The following KIAA1958 variants were observed in gnomAD, a reference collection of about 807,000 sequenced individuals.
KIAA1958 encodes the protein KIAA1958, also known as uncharacterized protein KIAA1958.
Under a neutral mutation model 47.2 loss-of-function variants are expected in KIAA1958, and 14 were observed. That is an observed-to-expected ratio of 0.30 (90% CI 0.20 to 0.46). The LOEUF (loss-of-function observed/expected upper bound fraction) is 0.46, where lower values mean the gene tolerates loss of function less well. Ranked by LOEUF, KIAA1958 falls within the 20% of genes least tolerant of loss-of-function variation. The pLI is 1.00. For synonymous variants in KIAA1958, 354 were observed against 353.3 expected, an observed-to-expected ratio of 1.00 and a Z score of -0.02; for missense variants, 803 against 909.2, an observed-to-expected ratio of 0.88 and a Z score of 1.50.
chr9:112,601,375 A>G (rs1208344201), intron 2 of KIAA1958, among the ~76,000 whole-genome samples: 1 of 152,192 alleles, frequency 6.6e-6, no homozygotes, highest in Non-Finnish European at 1.5e-5. Context: ...AAAATCTGCT[A>G]TTCCAGCAGT....
intron 2 of KIAA1958, among the ~76,000 whole-genome samples, chr9:112,627,195 C>T (rs375522122): frequency 7.9e-5 from 12 of 152,234 alleles, no homozygotes; most frequent in African/African-American, 2.6e-4. Flanking sequence ...CAACACTTTC[C>T]GAGCTCTTTG....
At chr9:112,586,006 G>A (rs981095903) in intron 2 of KIAA1958, among the ~76,000 whole-genome samples, 1 of 152,150 alleles carries the variant, frequency 6.6e-6, no homozygotes, top group Non-Finnish European at 1.5e-5. Flanking sequence ...AAAAAACATG[G>A]TTCCTGTTCT....
At chr9:112,487,260 T>C in intron 1 of KIAA1958, 142 bp downstream of exon 1, 1 of 161,858 alleles carries the variant, frequency 6.2e-6, no homozygotes, top group Non-Finnish European at 1.3e-5. Flanking sequence ...CGGCTGAACC[T>C]TCCTTTTGTC....
At chr9:112,550,110 A>G (rs189281617) in intron 1 of KIAA1958, among the ~76,000 whole-genome samples, 8 of 150,974 alleles carry the variant, frequency 5.3e-5, no homozygotes, top group Admixed American at 1.3e-4. Context: ...AAGCCTGGCA[A>G]TGTTCAGAGT....
chr9:112,502,738 T>C (rs1834164314), intron 1 of KIAA1958, among the ~76,000 whole-genome samples: 1 of 152,250 alleles, frequency 6.6e-6, no homozygotes, highest in Non-Finnish European at 1.5e-5. Context: ...TTGTGCTGCA[T>C]TGGCAGAATT....
chr9:112,529,334 C>T (rs1418312563), intron 1 of KIAA1958, among the ~76,000 whole-genome samples: 3 of 152,192 alleles, frequency 2.0e-5, no homozygotes, highest in Admixed American at 1.3e-4. Flanking sequence ...ATTAATGAAC[C>T]GATATTGACA....
intron 2 of KIAA1958, among the ~76,000 whole-genome samples, chr9:112,630,713 G>GA (rs541736405): frequency 9.9e-4 from 151 of 152,244 alleles, no homozygotes; most frequent in Non-Finnish European, 1.7e-3. Context: ...ATTTAATAAT[G>GA]AAAAAACATG....
At chr9:112,605,239 TG>T (rs922881315) in intron 2 of KIAA1958, among the ~76,000 whole-genome samples, 2 of 152,034 alleles carry the variant, frequency 1.3e-5, no homozygotes, top group African/African-American at 2.4e-5. Flanking sequence ...TGCTGTTTCC[TG>T]GTTCTTTAAT....
intron 1 of KIAA1958, among the ~76,000 whole-genome samples, chr9:112,548,598 T>G (rs1349371581): frequency 6.6e-6 from 1 of 152,232 alleles, no homozygotes; most frequent in African/African-American, 2.4e-5. Context: ...TTTGTTTAGA[T>G]TTTGAGCTAC....
intron 2 of KIAA1958, among the ~76,000 whole-genome samples, chr9:112,624,476 G>T (rs1209684680): frequency 2.6e-5 from 4 of 152,180 alleles, no homozygotes; most frequent in African/African-American, 9.6e-5. Context: ...CTGGAATAAA[G>T]AAATACATTG....
At chr9:112,619,163 C>A in intron 2 of KIAA1958, 1 of 211,850 alleles carries the variant, frequency 4.7e-6, no homozygotes, top group Non-Finnish European at 8.3e-6. Flanking sequence ...ACAGACTTTA[C>A]AAAACCATAC....
intron 1 of KIAA1958, among the ~76,000 whole-genome samples, chr9:112,533,051 C>T (rs148646954): frequency 1.5e-3 from 232 of 151,948 alleles, no homozygotes; most frequent in African/African-American, 5.2e-3. Flanking sequence ...AATAATCTTA[C>T]CTTCCTCCCC....
intron 3 of KIAA1958, among the ~76,000 whole-genome samples, chr9:112,654,200 CA>C (rs1323555100): frequency 1.2e-4 from 18 of 152,294 alleles, no homozygotes; most frequent in Admixed American, 8.5e-4. Flanking sequence ...AGGAAACTAT[CA>C]AAGTTTGGCT....
intron 1 of KIAA1958, among the ~76,000 whole-genome samples, chr9:112,540,826 C>A (rs1564165017): frequency 6.6e-6 from 1 of 151,836 alleles, no homozygotes; most frequent in Non-Finnish European, 1.5e-5. Flanking sequence ...GGTGATTCTC[C>A]CATCTCAGCC....
chr9:112,506,652 T>A (rs62567825), intron 1 of KIAA1958, among the ~76,000 whole-genome samples: 19,020 of 152,150 alleles, frequency 0.13, 1,706 homozygotes, highest in East Asian at 0.23. Context: ...AGTGCTGATA[T>A]TATTTTCTTT....
At position 112,669,261 on chromosome 9, in the gene KIAA1958, C is replaced by G. The variant is rs1368349310; in HGVS notation, c.*9192C>G. ...CCAGTCCGGCCCTCTAGTTGATAGT[C>G]CAGTAGTCTGTTAACAATTTGTAAG... is the stretch of plus-strand genomic sequence containing the variant. On this transcript the variant is annotated 3_prime_UTR_variant, in exon 4 of 4. Transcript: ENST00000337530. 1 of 152,120 alleles carries G rather than the reference C, an allele frequency of 6.6e-6. No individual in the cohort carries two copies. Among genetic ancestry groups the G allele is most frequent in the African/African-American group, 2.4e-5 (1 of 41,404 alleles). 9.4% of individuals were successfully genotyped at this position (152,120 alleles called of 1,614,324 possible). A position where few individuals can be genotyped will look rare whatever the true frequency, so the allele number is the denominator to read the frequency against.
At chr9:112,616,838 GA>G (rs1395577442) in intron 2 of KIAA1958, among the ~76,000 whole-genome samples, 1 of 152,216 alleles carries the variant, frequency 6.6e-6, no homozygotes, top group African/African-American at 2.4e-5. Flanking sequence ...TAAAATTGGT[GA>G]AAATAGAGTA....
At chr9:112,582,400 A>AT (rs1564180657) in intron 2 of KIAA1958, 1 of 152,474 alleles carries the variant, frequency 6.6e-6, no homozygotes, top group Non-Finnish European at 1.5e-5. Context: ...AATTAAAAAA[A>AT]TTTTTAAAGA....
intron 1 of KIAA1958, among the ~76,000 whole-genome samples, chr9:112,547,249 G>A (rs568393222): frequency 2.2e-5 from 3 of 138,276 alleles, no homozygotes; most frequent in East Asian, 2.2e-4. Flanking sequence ...AGTGGGGTGC[G>A]TGCCTGTGGT....
Sources: allele counts gnomAD v4.1 joint callset (sites outside exome capture counted in the v4.1 genomes callset), GRCh38; gene constraint gnomAD v4.1.1; transcripts MANE v1.5; gene names NCBI Gene and HGNC (gene_info 2026-07-23, HGNC 2026-07-21).